The following LRRC49 variants were observed in gnomAD, a reference collection of about 807,000 sequenced individuals.
LRRC49 encodes the protein leucine rich repeat containing 49.
Under a neutral mutation model 83.3 loss-of-function variants are expected in LRRC49, and 50 were observed. The ratio of observed to expected loss-of-function variants is 0.60; its 90% CI spans 0.48 to 0.76. The LOEUF (loss-of-function observed/expected upper bound fraction) is 0.76, where lower values mean the gene tolerates loss of function less well. Ranked by LOEUF, LRRC49 falls within the 30% of genes least tolerant of loss-of-function variation. The probability of loss-of-function intolerance (pLI) is 0.00; values close to 1 mark genes in which losing one functional copy is unlikely to be tolerated. For synonymous variants in LRRC49, 286 were observed against 283.3 expected (o/e 1.01, Z -0.10); for missense variants, 704 against 809.1 (o/e 0.87, Z 1.58).
At chr15:70,860,363 T>A (rs770483230) in intron 1 of LRRC49, among the ~76,000 whole-genome samples, 14 of 152,194 alleles carry the variant, frequency 9.2e-5, no homozygotes, top group Non-Finnish European at 2.1e-4. Context: ...AATTGCTTTT[T>A]AAATAAAACC....
At chr15:71,009,761 G>A (rs758639617) in intron 12 of LRRC49, 46 bp from the exon 13 acceptor site, 4 of 1,297,406 alleles carry the variant, frequency 3.1e-6, no homozygotes, top group Middle Eastern at 1.9e-4. Context: ...ATTTCAATAT[G>A]GTTAAAATCA....
chr15:70,885,548 G>C (rs2033383932), intron 2 of LRRC49, among the ~76,000 whole-genome samples: 1 of 152,128 alleles, frequency 6.6e-6, no homozygotes, highest in Non-Finnish European at 1.5e-5. Context: ...AACTTTTAAG[G>C]ACACAGAAAG....
At chr15:70,923,629 T>C (rs2035086432) in intron 7 of LRRC49, among the ~76,000 whole-genome samples, 1 of 151,904 alleles carries the variant, frequency 6.6e-6, no homozygotes, top group Non-Finnish European at 1.5e-5. Flanking sequence ...TTGGTATATC[T>C]TTTTTATTTC....
intron 11 of LRRC49, among the ~76,000 whole-genome samples, chr15:70,987,536 A>T (rs1292531928): frequency 6.6e-6 from 1 of 151,138 alleles, no homozygotes. Context: ...TTTCTTCTTT[A>T]TTAGTCTTGC....
intron 2 of LRRC49, among the ~76,000 whole-genome samples, chr15:70,886,642 T>C (rs111755559): frequency 5.9e-5 from 9 of 151,894 alleles, no homozygotes; most frequent in African/African-American, 2.2e-4. Context: ...CTAAGGCAGG[T>C]GGGTCACGAG....
intron 14 of LRRC49, among the ~76,000 whole-genome samples, chr15:71,017,928 A>T (rs372457836): frequency 7.2e-5 from 11 of 152,318 alleles, no homozygotes; most frequent in African/African-American, 2.4e-4. Flanking sequence ...GTAGTTACTT[A>T]ACTTTGGAAA....
chr15:70,993,890 G>A (rs1256154714), intron 11 of LRRC49, among the ~76,000 whole-genome samples: 1 of 152,064 alleles, frequency 6.6e-6, no homozygotes, highest in Admixed American at 6.5e-5. Flanking sequence ...TGTCTCCCAG[G>A]CTGGAGGGCA....
At position 70,980,572 on chromosome 15, in the gene LRRC49, GTT is replaced by G. The variant is rs1333960209; in HGVS notation, c.1005+399_1005+400del. Among the ~76,000 whole-genome samples the G allele has an allele frequency of 3.3e-3, 449 of 135,454 alleles. 4 individuals carry two copies. Among genetic ancestry groups the G allele is most frequent in the African/African-American group, 0.011 (437 of 38,428 alleles). The allele number at this position is 135,454 out of a possible 152,430, so 88.9% of individuals were successfully genotyped here. ...GATATATTTTAATGAGCTCTGCTAC[GTT>G]TTTTTTTTTTAATGATAGCTTTTTA... On this transcript the variant is annotated intron_variant, in intron 10 of 15. Transcript: ENST00000260382.
intron 14 of LRRC49, among the ~76,000 whole-genome samples, chr15:71,035,295 G>T (rs1395973303): frequency 6.6e-6 from 1 of 151,938 alleles, no homozygotes; most frequent in East Asian, 1.9e-4. Flanking sequence ...ATTTATAGAA[G>T]AAGTTTGCAA....
At chr15:70,859,867 C>T in intron 1 of LRRC49, 2 of 769,036 alleles carry the variant, frequency 2.6e-6, no homozygotes, top group Non-Finnish European at 4.8e-6. Flanking sequence ...TGGCCTTGGG[C>T]ATCAAAACTG....
At chr15:70,889,007 A>G, upstream of LRRC49, among the ~76,000 whole-genome samples, 1 of 152,200 alleles carries the variant, frequency 6.6e-6, no homozygotes, top group East Asian at 1.9e-4. Flanking sequence ...TAGAAGTGTA[A>G]ATTGGTACAA....
Position 71,029,578 on chromosome 15 carries a change from T to G in LRRC49, c.1704-7601T>G, listed in dbSNP as rs558185746. Among the ~76,000 whole-genome samples the G allele has an allele frequency of 2.1e-4, 32 of 152,262 alleles. No homozygotes were observed. The South Asian group carries it at 6.2e-3, about 30-fold the overall frequency. On this transcript the variant is annotated intron_variant, in intron 14 of 15. Transcript: ENST00000260382. The stretch of plus-strand genomic sequence containing the variant: ...GAGTTCAAATCCTGAATATCCTTGT[T>G]AATTTTGTGTCTTGTTGATCTGTCT...
intron 11 of LRRC49, among the ~76,000 whole-genome samples, chr15:70,993,908 G>A (rs575033705): frequency 6.9e-4 from 105 of 152,192 alleles, no homozygotes; most frequent in Admixed American, 1.0e-3. Flanking sequence ...GCAGTGGTGC[G>A]ATGTTGGCTC....
At chr15:71,047,578 G>A (rs2039889757) in intron 15 of LRRC49, among the ~76,000 whole-genome samples, 1 of 152,092 alleles carries the variant, frequency 6.6e-6, no homozygotes, top group South Asian at 2.1e-4. Flanking sequence ...AGAGCCTTTT[G>A]GCAGAGTCTT....
chr15:71,023,486 C>G (rs2039056981), intron 14 of LRRC49, among the ~76,000 whole-genome samples: 1 of 152,092 alleles, frequency 6.6e-6, no homozygotes. Context: ...GTGAGTGAAT[C>G]CTGCACCAGC....
chr15:71,053,478 A>C lies in LRRC49; in HGVS notation c.*3866A>C, dbSNP rs1222603953. The C allele has an allele frequency of 6.6e-6, 1 of 152,200 alleles. No homozygotes were observed. The highest frequency in any genetic ancestry group is 1.5e-5 in the Non-Finnish European group (1 of 68,054). 9.4% of individuals were successfully genotyped at this position (152,200 alleles called of 1,614,324 possible). ...TACAAGATATACCACACATCTCAGC[A>C]TATGTTGAGATGGTTGTTAAATATC... On this transcript the variant is annotated 3_prime_UTR_variant, in exon 16 of 16. Coordinates refer to ENST00000260382, the MANE Select transcript of LRRC49 (RefSeq NM_017691.5).
intron 6 of LRRC49, among the ~76,000 whole-genome samples, chr15:70,916,738 G>A (rs1249343725): frequency 3.9e-5 from 6 of 152,296 alleles, no homozygotes; most frequent in East Asian, 3.9e-4. Flanking sequence ...TGCCCCTTCC[G>A]AGTTGGGGCG....
rs530527023 is a variant in LRRC49, at chr15:71,044,257, C to A, written c.1858-5152C>A. Among the ~76,000 whole-genome samples, 4 of 152,294 alleles carry A rather than the reference C, an allele frequency of 2.6e-5. No homozygotes were observed. The South Asian group carries it at 8.3e-4, about 32-fold the overall frequency. On this transcript the variant is annotated intron_variant, in intron 15 of 15. Transcript: ENST00000260382. The stretch of plus-strand genomic sequence containing the variant: ...CTGGAACCATTTGTTGCTTATCACA[C>A]ATCAAAAATCTGTACATACTTTTAA...
upstream of LRRC49, chr15:70,892,639 C>A (rs1216363360): frequency 6.9e-7 from 1 of 1,447,518 alleles, no homozygotes; most frequent in Non-Finnish European, 9.0e-7. Flanking sequence ...CCTCCCAATA[C>A]TCCCGCTCTG....
Sources: allele counts gnomAD v4.1 joint callset (sites outside exome capture counted in the v4.1 genomes callset), GRCh38; gene constraint gnomAD v4.1.1; transcripts MANE v1.5; gene names NCBI Gene and HGNC (gene_info 2026-07-23, HGNC 2026-07-21).